KCNH1: variants seen among roughly 807,000 people sequenced by gnomAD.
KCNH1 encodes the protein voltage-gated delayed rectifier potassium channel KCNH1.
Under a neutral mutation model 69.2 loss-of-function variants are expected in KCNH1, and 27 were observed. The observed-to-expected ratio is 0.39, with a 90% CI of 0.29 to 0.54. The LOEUF is 0.54. Among genes scored for constraint, KCNH1 ranks in the 20% least tolerant of loss-of-function variants. KCNH1 has a pLI of 0.68. For missense variants in KCNH1, 798 were observed against 1,261.6 expected (o/e 0.63, Z 5.57); for synonymous variants, 456 against 487.7 (o/e 0.93, Z 0.86).
At chr1:211,086,377 G>A (rs1571635375) in intron 4 of KCNH1, among the ~76,000 whole-genome samples, 1 of 152,084 alleles carries the variant, frequency 6.6e-6, no homozygotes, top group Admixed American at 6.6e-5. Context: ...ACACTGAATT[G>A]AGCTCAAATG....
At chr1:210,842,207 T>C (rs1685427199) in intron 7 of KCNH1, among the ~76,000 whole-genome samples, 1 of 152,162 alleles carries the variant, frequency 6.6e-6, no homozygotes, top group Non-Finnish European at 1.5e-5. Context: ...ACCATGGTCA[T>C]GGAAGCTCAC....
intron 6 of KCNH1, among the ~76,000 whole-genome samples, chr1:210,992,742 T>A (rs536910608): frequency 6.6e-6 from 1 of 152,344 alleles, no homozygotes; most frequent in African/African-American, 2.4e-5. Flanking sequence ...TTCAAAAAAA[T>A]CTGGTTATAT....
rs574937258 is a variant in KCNH1 at position 211,129,622 on chromosome 1, C to T, written c.79+4245G>A. ...AGAATATTTTACAAGAAAAAACAAG[C>T]TCTGCTGAGCTGGTAATAATCCAGA... On this transcript the variant is annotated intron_variant, in intron 1 of 10. Transcript: ENST00000271751. Among the ~76,000 whole-genome samples, 3 of 152,276 alleles carry T rather than the reference C, an allele frequency of 2.0e-5. No individual in the cohort carries two copies. In the East Asian group the frequency reaches 5.8e-4, roughly 29 times the overall value.
At chr1:210,867,011 C>G (rs12566900) in intron 7 of KCNH1, among the ~76,000 whole-genome samples, 20,671 of 151,836 alleles carry the variant, frequency 0.14, 1,586 homozygotes, top group Non-Finnish European at 0.17. Context: ...AAGCCAGTCA[C>G]AAAAGACCAC....
chr1:210,958,551 A>C (rs1470543617), intron 6 of KCNH1, among the ~76,000 whole-genome samples: 1 of 152,216 alleles, frequency 6.6e-6, no homozygotes, highest in East Asian at 1.9e-4. Context: ...TACACCAATC[A>C]AACGTAGATT....
chr1:210,836,504 C>A (rs1459945608), intron 7 of KCNH1, among the ~76,000 whole-genome samples: 2 of 152,166 alleles, frequency 1.3e-5, no homozygotes, highest in Non-Finnish European at 2.9e-5. Context: ...TACTATAGAG[C>A]AAAATGATTC....
intron 7 of KCNH1, among the ~76,000 whole-genome samples, chr1:210,805,451 C>G (rs532274841): frequency 6.6e-6 from 1 of 152,016 alleles, no homozygotes; most frequent in African/African-American, 2.4e-5. Flanking sequence ...TTTGTAATCC[C>G]TCCCTCCCAT....
intron 10 of KCNH1, among the ~76,000 whole-genome samples, chr1:210,700,156 C>T (rs1471255548): frequency 6.6e-6 from 1 of 152,178 alleles, no homozygotes; most frequent in Non-Finnish European, 1.5e-5. Context: ...CAAAAGACAT[C>T]TCTTTATATG....
intron 6 of KCNH1, among the ~76,000 whole-genome samples, chr1:210,999,015 T>C (rs1322734751): frequency 6.6e-6 from 1 of 152,134 alleles, no homozygotes; most frequent in Non-Finnish European, 1.5e-5. Context: ...TTCAAAGCAG[T>C]GTGTAGAGGG....
chr1:210,793,645 G>A (rs1246175137), intron 9 of KCNH1, among the ~76,000 whole-genome samples: 1 of 152,228 alleles, frequency 6.6e-6, no homozygotes, highest in Non-Finnish European at 1.5e-5. Context: ...AGAACTGGAA[G>A]AAAGAGGCCA....
At chr1:211,099,927 AC>A (rs1691228286) in intron 3 of KCNH1, among the ~76,000 whole-genome samples, 1 of 152,048 alleles carries the variant, frequency 6.6e-6, no homozygotes, top group African/African-American at 2.4e-5. Context: ...TCTTCCCCTG[AC>A]CAGGCCACTA....
chr1:210,769,096 G>C (rs1683700100), intron 10 of KCNH1, among the ~76,000 whole-genome samples: 1 of 152,102 alleles, frequency 6.6e-6, no homozygotes, highest in African/African-American at 2.4e-5. Context: ...GCCCACATAG[G>C]AGGGATGACA....
chr1:210,739,794 T>C (rs1383554275), intron 10 of KCNH1, among the ~76,000 whole-genome samples: 1 of 152,224 alleles, frequency 6.6e-6, no homozygotes, highest in Non-Finnish European at 1.5e-5. Context: ...CTTAACTGCA[T>C]GACACACAGT....
intron 7 of KCNH1, chr1:210,860,047 C>A: frequency 2.0e-6 from 3 of 1,485,056 alleles, no homozygotes; most frequent in Non-Finnish European, 2.8e-6. Flanking sequence ...CACTGCAGAA[C>A]GATGACCTCT....
intron 5 of KCNH1, among the ~76,000 whole-genome samples, chr1:211,050,479 G>A (rs1690181778): frequency 6.6e-6 from 1 of 151,982 alleles, no homozygotes; most frequent in African/African-American, 2.4e-5. Flanking sequence ...GAAGAGGTAA[G>A]GGCAGTGGGA....
rs937872825 is a variant in KCNH1 at position 210,804,429 on chromosome 1, G to A, written c.1463-263C>T. Among the ~76,000 whole-genome samples, 4 of 152,222 alleles carry A rather than the reference G, an allele frequency of 2.6e-5. No individual in the cohort carries two copies. In the East Asian group the frequency reaches 7.7e-4, roughly 29 times the overall value. On this transcript the variant is annotated intron_variant, in intron 7 of 10. Transcript: ENST00000271751. ...GGGTGCATGTGAGCTGGCATGGCCGGGGCCAGAACTAAGACACAGCAGTGG... is the reference window on the plus strand; with the variant it reads ...GGGTGCATGTGAGCTGGCATGGCCGAGGCCAGAACTAAGACACAGCAGTGG...
intron 4 of KCNH1, among the ~76,000 whole-genome samples, chr1:211,085,367 C>T (rs556808792): frequency 1.0e-3 from 152 of 152,018 alleles, no homozygotes; most frequent in African/African-American, 3.5e-3. Flanking sequence ...GAAATTTGAA[C>T]TTCATCCTGA....
chr1:210,802,081 T>C (rs946899371), intron 8 of KCNH1, among the ~76,000 whole-genome samples: 1 of 152,214 alleles, frequency 6.6e-6, no homozygotes, highest in Non-Finnish European at 1.5e-5. Context: ...ACAGGGTTGC[T>C]GTGGAGGCTA....
chr1:210,798,210 T>G (rs538789893), intron 8 of KCNH1, among the ~76,000 whole-genome samples: 1 of 151,892 alleles, frequency 6.6e-6, no homozygotes, highest in Non-Finnish European at 1.5e-5. Flanking sequence ...CAGCTAATTT[T>G]TTGTATTTTT....
Sources: allele counts gnomAD v4.1 joint callset (sites outside exome capture counted in the v4.1 genomes callset), GRCh38; gene constraint gnomAD v4.1.1; transcripts MANE v1.5; gene names NCBI Gene and HGNC (gene_info 2026-07-23, HGNC 2026-07-21).